The following PPP4R1 variants were observed in gnomAD, a reference collection of about 807,000 sequenced individuals.
PPP4R1 encodes the protein serine/threonine-protein phosphatase 4 regulatory subunit 1.
A neutral mutation model predicts 111.2 loss-of-function variants in PPP4R1; 42 were observed. That is an observed-to-expected ratio of 0.38 (90% confidence interval 0.29 to 0.49). The LOEUF is 0.49. Among genes scored for constraint, PPP4R1 ranks in the 20% least tolerant of loss-of-function variants. The pLI is 0.97. For synonymous variants in PPP4R1, 409 were observed against 405.5 expected, an observed-to-expected ratio of 1.01 and a Z score of -0.10; for missense variants, 1,012 against 1,161.6, an observed-to-expected ratio of 0.87 and a Z score of 1.87.
Position 9,614,235 on chromosome 18 carries a change from CGTCCTCCTGCAG to C in PPP4R1, c.31_42del (p.Leu11_Asp14del). 7.3e-7 allele frequency: 1 copy of C among 1,365,300 alleles called. No homozygotes were observed. Among genetic ancestry groups the C allele is most frequent in the Non-Finnish European group, 9.6e-7 (1 of 1,046,180 alleles). The allele number at this position is 1,365,300 out of a possible 1,614,324, so 84.6% of individuals were successfully genotyped here. A position where few individuals can be genotyped will look rare whatever the true frequency, so the allele number is the denominator to read the frequency against. On this transcript the variant is annotated inframe_deletion, in exon 2 of 20. Coordinates refer to ENST00000400556, the MANE Select transcript of PPP4R1 (RefSeq NM_001042388.3). This position sits in a 1 kb window ranked among gnomAD's most constrained non-coding sequence, Gnocchi z 4.1. ...AGGCCGGGCCACTCACATCCGTCTG[CGTCCTCCTGCAG>C]GTCCTCCTGAAGCAGCGAGAGGTCT... is the stretch of plus-strand genomic sequence containing the variant.
At chr18:9,595,260 A>G in intron 2 of PPP4R1, 107 bp from the exon 3 acceptor site, 1 of 1,168,472 alleles carries the variant, frequency 8.6e-7, no homozygotes, top group Non-Finnish European at 1.2e-6. Context: ...CAAAAAAAAA[A>G]TCACAAGAGA....
chr18:9,563,627 C>T, intron 11 of PPP4R1, 77 bp from the exon 12 acceptor site: 1 of 1,315,348 alleles, frequency 7.6e-7, no homozygotes. Flanking sequence ...TCCATTTGCA[C>T]TGTACGTTAT....
chr18:9,610,328 G>A (rs979929056), intron 2 of PPP4R1, among the ~76,000 whole-genome samples: 2 of 152,172 alleles, frequency 1.3e-5, no homozygotes, highest in Non-Finnish European at 2.9e-5. Flanking sequence ...ACCCAACTCT[G>A]AAATCTGCTG....
intron 13 of PPP4R1, among the ~76,000 whole-genome samples, chr18:9,560,402 C>A (rs1281988497): frequency 8.5e-5 from 7 of 82,760 alleles, no homozygotes; most frequent in Non-Finnish European, 1.6e-4. Flanking sequence ...TATTTGCAAT[C>A]TTGCTTAGGT....
At chr18:9,563,107 C>A (rs753694986) in intron 12 of PPP4R1, 6 of 1,134,774 alleles carry the variant, frequency 5.3e-6, no homozygotes, top group African/African-American at 3.2e-5. Context: ...TCCAGTAAGA[C>A]TATTTCACTG....
At chr18:9,548,875 A>G (rs979045872) in intron 19 of PPP4R1, among the ~76,000 whole-genome samples, 7 of 152,218 alleles carry the variant, frequency 4.6e-5, no homozygotes, top group Non-Finnish European at 1.0e-4. Flanking sequence ...CTGAGATCGC[A>G]CCATTGCACT....
chr18:9,579,482 C>CT (rs1025665414), intron 9 of PPP4R1, among the ~76,000 whole-genome samples: 2 of 150,920 alleles, frequency 1.3e-5, no homozygotes, highest in South Asian at 2.1e-4. Flanking sequence ...ACTATCTTGT[C>CT]TTTTTTTTGC....
intron 11 of PPP4R1, among the ~76,000 whole-genome samples, chr18:9,564,737 T>TGTGTGTGGGG (rs1475596391): frequency 7.1e-4 from 48 of 68,004 alleles, no homozygotes; most frequent in South Asian, 1.6e-3. Flanking sequence ...TGTGTGTGTG[T>TGTGTGTGGGG]GGGGGTATCA....
chr18:9,588,018 C>T (rs11081485), intron 6 of PPP4R1, 71 bp downstream of exon 6: 176,179 of 1,571,358 alleles, frequency 0.11, 11,631 homozygotes, highest in African/African-American at 0.3. Context: ...TGCCTAACCC[C>T]GGCCTGACTT....
chr18:9,580,200 C>T (rs1002186823), intron 9 of PPP4R1, among the ~76,000 whole-genome samples: 2 of 152,160 alleles, frequency 1.3e-5, no homozygotes, highest in South Asian at 4.1e-4. Context: ...AGGAGCTCAG[C>T]TGACCCACTT....
At chr18:9,604,288 C>T (rs954698070) in intron 2 of PPP4R1, among the ~76,000 whole-genome samples, 4 of 152,132 alleles carry the variant, frequency 2.6e-5, no homozygotes, top group African/African-American at 7.2e-5. Flanking sequence ...TCCCCTCATT[C>T]GAATCCAGTT....
chr18:9,601,271 C>G (rs966441938), intron 2 of PPP4R1, among the ~76,000 whole-genome samples: 15 of 151,254 alleles, frequency 9.9e-5, no homozygotes, highest in African/African-American at 3.4e-4. Context: ...GCCTGTAATC[C>G]CAGCACTGTG....
At chr18:9,586,293 T>G (rs2067115560) in intron 6 of PPP4R1, among the ~76,000 whole-genome samples, 1 of 152,068 alleles carries the variant, frequency 6.6e-6, no homozygotes, top group South Asian at 2.1e-4. Flanking sequence ...AATTTTTTAT[T>G]GTAATGTTTT....
intron 2 of PPP4R1, among the ~76,000 whole-genome samples, chr18:9,597,479 T>C (rs578094919): frequency 1.3e-5 from 2 of 152,286 alleles, no homozygotes; most frequent in African/African-American, 4.8e-5. Flanking sequence ...TTGAAACAGT[T>C]TATGTGTGTG....
At chr18:9,600,856 G>C (rs996920042) in intron 2 of PPP4R1, among the ~76,000 whole-genome samples, 3 of 152,138 alleles carry the variant, frequency 2.0e-5, no homozygotes, top group African/African-American at 7.2e-5. Flanking sequence ...ACTCCAGCCT[G>C]GGTGACAGAG....
chr18:9,592,827 T>TA (rs1325632406), intron 4 of PPP4R1, among the ~76,000 whole-genome samples: 2 of 152,064 alleles, frequency 1.3e-5, no homozygotes, highest in African/African-American at 4.8e-5. Flanking sequence ...TAAATCAAAT[T>TA]AAAAAAATAA....
At chr18:9,557,116 T>C in intron 15 of PPP4R1, 105 bp downstream of exon 15, 1 of 1,142,432 alleles carries the variant, frequency 8.8e-7, no homozygotes, top group Non-Finnish European at 1.2e-6. Context: ...CTGTGTTTTC[T>C]TACATAGAAA....
intron 10 of PPP4R1, among the ~76,000 whole-genome samples, chr18:9,571,068 G>C (rs959051975): frequency 2.0e-5 from 3 of 152,082 alleles, no homozygotes; most frequent in African/African-American, 7.2e-5. Flanking sequence ...TTTATTTTTA[G>C]GGTTATTTGT....
rs1454526972 is a variant in PPP4R1, at chr18:9,553,333, A to C, written c.2280T>G (p.Ala760=). Residue 760 remains alanine (A), a synonymous_variant, in exon 16 of 20, where the codon GCT becomes GCG. Coordinates refer to ENST00000400556, the MANE Select transcript of PPP4R1 (RefSeq NM_001042388.3). ...TDNSRNWRFR[A]ELAEQLILLL... ...CTGTTAGAACTTACTCAGCCAGTTCAGCTCGAAACCGCCAATTTCTACTAT... is the reference window on the plus strand; with the variant it reads ...CTGTTAGAACTTACTCAGCCAGTTCCGCTCGAAACCGCCAATTTCTACTAT... The C allele has an allele frequency of 6.3e-7, 1 of 1,581,980 alleles. No individual in the cohort carries two copies. The highest frequency in any genetic ancestry group is 8.7e-7 in the Non-Finnish European group (1 of 1,151,348).
Sources: allele counts gnomAD v4.1 joint callset (sites outside exome capture counted in the v4.1 genomes callset), GRCh38; gene constraint gnomAD v4.1.1; non-coding constraint Gnocchi (gnomAD v3.1); transcripts MANE v1.5; gene names NCBI Gene and HGNC (gene_info 2026-07-23, HGNC 2026-07-21).